The following USP10 variants were observed in gnomAD, a reference collection of about 807,000 sequenced individuals.
The protein encoded by USP10 is ubiquitin carboxyl-terminal hydrolase 10.
In USP10, 22 loss-of-function variants were observed where a neutral mutation model predicts 84.5. That is an observed-to-expected ratio of 0.26 (90% CI 0.19 to 0.37). USP10 has a LOEUF of 0.37. USP10 is among the 10% of genes least tolerant of loss of function. The probability of loss-of-function intolerance (pLI) is 1.00; values close to 1 mark genes in which losing one functional copy is unlikely to be tolerated. For missense variants in USP10, 1,019 were observed against 998.9 expected (o/e 1.02, Z -0.27); for synonymous variants, 454 against 387.6 (o/e 1.17, Z -2.01).
At chr16:84,756,528 G>C (rs1376605440) in intron 4 of USP10, among the ~76,000 whole-genome samples, 2 of 152,208 alleles carry the variant, frequency 1.3e-5, no homozygotes, top group African/African-American at 4.8e-5. Context: ...AGGACACAGA[G>C]GTTGCAGTGA....
intron 4 of USP10, among the ~76,000 whole-genome samples, chr16:84,750,275 G>T (rs1191526081): frequency 1.3e-5 from 2 of 152,004 alleles, no homozygotes; most frequent in Non-Finnish European, 2.9e-5. Context: ...GGACGTGGTG[G>T]CTCATGGCTG....
intron 2 of USP10, among the ~76,000 whole-genome samples, chr16:84,734,108 C>T (rs1360131237): frequency 2.0e-5 from 3 of 152,180 alleles, no homozygotes; most frequent in Non-Finnish European, 4.4e-5. Context: ...CCTGGTGCCC[C>T]TCTGTGGGCT....
At chr16:84,734,346 T>C (rs1207747126) in intron 2 of USP10, among the ~76,000 whole-genome samples, 11 of 152,254 alleles carry the variant, frequency 7.2e-5, no homozygotes, top group African/African-American at 2.7e-4. Context: ...GGACTCTCAT[T>C]GTTTTAATTT....
intron 1 of USP10, among the ~76,000 whole-genome samples, chr16:84,714,892 G>T (rs1906799365): frequency 6.7e-6 from 1 of 150,068 alleles, no homozygotes; most frequent in African/African-American, 2.4e-5. Context: ...TGAAATGTTT[G>T]AAAAATATTT....
At chr16:84,719,533 C>T (rs972472179) in intron 1 of USP10, among the ~76,000 whole-genome samples, 12 of 152,190 alleles carry the variant, frequency 7.9e-5, no homozygotes, top group Admixed American at 4.6e-4. Flanking sequence ...TGGCCAGGTT[C>T]GAGGACTGTT....
Position 84,735,210 on chromosome 16 carries a change from TGTG to T in USP10, c.90+1708_90+1710del, listed in dbSNP as rs1597331438. Among the ~76,000 whole-genome samples, 32 of 62,588 alleles carry T rather than the reference TGTG, an allele frequency of 5.1e-4. No individual in the cohort carries two copies. The East Asian group carries it at 0.014, about 28-fold the overall frequency. 41.1% of individuals were successfully genotyped at this position (62,588 alleles called of 152,430 possible). A position where few individuals can be genotyped will look rare whatever the true frequency, so the allele number is the denominator to read the frequency against. On this transcript the variant is annotated intron_variant, in intron 2 of 13. Coordinates refer to ENST00000219473, the MANE Select transcript of USP10 (RefSeq NM_005153.3). ...CAGGCCCGGGTGGTGTGTGTGTGTG[TGTG>T]TGTGTGTGTGTGTGTGTGTGTGTGG...
chr16:84,763,683 C>G (rs1459568760), intron 9 of USP10, among the ~76,000 whole-genome samples: 1 of 152,234 alleles, frequency 6.6e-6, no homozygotes, highest in African/African-American at 2.4e-5. Flanking sequence ...GGTGGTGCAC[C>G]TGTTGCGATT....
chr16:84,755,777 G>A (rs897410337), intron 4 of USP10, among the ~76,000 whole-genome samples: 4 of 135,046 alleles, frequency 3.0e-5, no homozygotes, highest in Non-Finnish European at 3.3e-5. Flanking sequence ...CAGCCTGGGC[G>A]GCAGAGTGAG....
intron 10 of USP10, among the ~76,000 whole-genome samples, chr16:84,764,939 A>AAAATATATATAT (rs370383030): frequency 7.6e-4 from 101 of 132,264 alleles, no homozygotes; most frequent in African/African-American, 2.3e-3. Context: ...GAGAAAAAAA[A>AAAATATATATAT]ATATATATAT....
intron 1 of USP10, among the ~76,000 whole-genome samples, chr16:84,724,750 T>G (rs1026721959): frequency 1.3e-5 from 2 of 152,220 alleles, no homozygotes; most frequent in African/African-American, 4.8e-5. Context: ...GTTCAAAGTT[T>G]TACTCTCGTA....
chr16:84,717,124 A>G (rs1567595344), intron 1 of USP10, among the ~76,000 whole-genome samples: 1 of 152,130 alleles, frequency 6.6e-6, no homozygotes, highest in Non-Finnish European at 1.5e-5. Flanking sequence ...CTGAGCTCCT[A>G]GGTAATTCCT....
chr16:84,748,927 TA>T (rs1246466575), intron 4 of USP10, among the ~76,000 whole-genome samples: 1 of 152,186 alleles, frequency 6.6e-6, no homozygotes, highest in Non-Finnish European at 1.5e-5. Flanking sequence ...CCAAACAGAT[TA>T]TTTTTTTAAT....
chr16:84,709,246 A>G (rs1905956931), intron 1 of USP10: 1 of 152,254 alleles, frequency 6.6e-6, no homozygotes, highest in Non-Finnish European at 1.5e-5. Context: ...GGAAGGGAAC[A>G]CAATCTGAAG....
At chr16:84,714,257 G>GT (rs986720691) in intron 1 of USP10, among the ~76,000 whole-genome samples, 9 of 152,326 alleles carry the variant, frequency 5.9e-5, no homozygotes, top group African/African-American at 2.2e-4. Flanking sequence ...TTTGTTCATG[G>GT]TATAGTAGTT....
chr16:84,737,128 G>C (rs1910039281), intron 2 of USP10, among the ~76,000 whole-genome samples: 2 of 152,332 alleles, frequency 1.3e-5, no homozygotes, highest in South Asian at 4.1e-4. Flanking sequence ...AGGGCTTTGT[G>C]GTTCAGGAGA....
At chr16:84,714,913 G>GATTATT (rs754656504) in intron 1 of USP10, among the ~76,000 whole-genome samples, 14 of 147,956 alleles carry the variant, frequency 9.5e-5, no homozygotes, top group African/African-American at 3.5e-4. Flanking sequence ...AAAAAGTTCT[G>GATTATT]ATTATTATTA....
At chr16:84,710,992 A>G (rs764414801) in intron 1 of USP10, among the ~76,000 whole-genome samples, 3 of 152,234 alleles carry the variant, frequency 2.0e-5, no homozygotes, top group African/African-American at 4.8e-5. Flanking sequence ...CAACAACAAA[A>G]ATATGAATTG....
Position 84,738,328 on chromosome 16 carries a change from AAC to A in USP10, c.91-1978_91-1977del, listed in dbSNP as rs927726828. ...TTTGTGTAAAAATAGAGTGATTCAAAACACTTTTCATGCCTCAAAATAACACA... is the reference window on the plus strand; with the variant it reads ...TTTGTGTAAAAATAGAGTGATTCAAAACTTTTCATGCCTCAAAATAACACA... On this transcript the variant is annotated intron_variant, in intron 2 of 13. Transcript: ENST00000219473. 8.5e-4 allele frequency among the ~76,000 whole-genome samples: 129 copies of A among 152,326 alleles called. 1 individual carries two copies. The highest frequency in any genetic ancestry group is 2.9e-3 in the African/African-American group (121 of 41,578).
chr16:84,740,900 G>C (rs576631351), intron 3 of USP10, among the ~76,000 whole-genome samples: 1 of 152,382 alleles, frequency 6.6e-6, no homozygotes. Flanking sequence ...CTGATTGCCA[G>C]AGATGGTGCT....
Sources: gnomAD v4.1 joint callset for allele counts (sites outside exome capture counted in the v4.1 genomes callset) on GRCh38, gnomAD v4.1.1 for gene constraint, MANE v1.5 for transcripts, NCBI Gene and HGNC (gene_info 2026-07-23, HGNC 2026-07-21) for gene names.